The following HDHD5 variants were observed in gnomAD, a reference collection of about 807,000 sequenced individuals.
The protein encoded by HDHD5 is haloacid dehalogenase-like hydrolase domain-containing 5.
Under a neutral mutation model 35.5 loss-of-function variants are expected in HDHD5, and 34 were observed. The observed-to-expected ratio is 0.96, with a 90% CI of 0.73 to 1.28. HDHD5 has a LOEUF of 1.28. Ranked by LOEUF, HDHD5 falls within the 50% of genes most tolerant of loss-of-function variation. The pLI is 0.00. For synonymous variants in HDHD5, 248 were observed against 240.6 expected, an observed-to-expected ratio of 1.03 and a Z score of -0.29; for missense variants, 589 against 560.2, an observed-to-expected ratio of 1.05 and a Z score of -0.52.
chr22:17,159,308 T>A, upstream of HDHD5: 2 of 958,030 alleles, frequency 2.1e-6, no homozygotes, highest in Non-Finnish European at 2.6e-6. Flanking sequence ...CGCGAGTCCG[T>A]CCGCTGCACA....
chr22:17,158,594 CGCCGG>C (rs2061828514), intron 1 of HDHD5: 1 of 152,340 alleles, frequency 6.6e-6, no homozygotes, highest in Non-Finnish European at 1.5e-5. Context: ...ATCACTACCG[CGCCGG>C]GCACACAGCA....
At chr22:17,143,171 C>G (rs772086839) in intron 4 of HDHD5, 40 bp from the exon 5 acceptor site, 1 of 1,597,956 alleles carries the variant, frequency 6.3e-7, no homozygotes, top group East Asian at 2.3e-5. Flanking sequence ...CACAAGTCGC[C>G]TTCCACTCCA....
At chr22:17,160,174 TAGCAGAGAGGG>T, upstream of HDHD5, among the ~76,000 whole-genome samples, 1 of 152,226 alleles carries the variant, frequency 6.6e-6, no homozygotes, top group East Asian at 1.9e-4. Context: ...TACTTAGCAC[TAGCAGAGAGGG>T]AGTCGAGGAT....
In HDHD5 at chr22:17,137,793, T is replaced by C. The variant is rs1324503605; in HGVS notation, c.*228A>G. ...AGGTTAGACTGCCACGAAAGGCACGTGGGAACTGGGCCCAGAAAATTCCAA... is the reference window on the plus strand; with the variant it reads ...AGGTTAGACTGCCACGAAAGGCACGCGGGAACTGGGCCCAGAAAATTCCAA... On this transcript the variant is annotated 3_prime_UTR_variant, in exon 8 of 8. Transcript: ENST00000336737. 6 of 534,472 alleles carry C rather than the reference T, an allele frequency of 1.1e-5. No individual in the cohort carries two copies. In the East Asian group the frequency reaches 1.8e-4, roughly 16 times the overall value. 33.1% of individuals were successfully genotyped at this position (534,472 alleles called of 1,614,324 possible).
intron 1 of HDHD5, among the ~76,000 whole-genome samples, chr22:17,150,348 A>G (rs2061712270): frequency 6.6e-6 from 1 of 152,210 alleles, no homozygotes; most frequent in Non-Finnish European, 1.5e-5. Flanking sequence ...ACAATATAAA[A>G]ATGTTTCAAA....
chr22:17,155,772 C>T (rs1192989930), intron 1 of HDHD5, among the ~76,000 whole-genome samples: 2 of 152,122 alleles, frequency 1.3e-5, no homozygotes, highest in Non-Finnish European at 2.9e-5. Context: ...AATACAGTCA[C>T]GCACCATAAC....
chr22:17,158,828 G>A (rs530452361), intron 1 of HDHD5: 5 of 220,422 alleles, frequency 2.3e-5, no homozygotes, highest in South Asian at 1.8e-4. Flanking sequence ...AAGACGCGCA[G>A]GGAAAACAGG....
rs796136381 is a variant in HDHD5, at chr22:17,143,457, G to A, written c.538-326C>T. The A allele has an allele frequency of 6.4e-4, 165 of 257,888 alleles. 1 individual carries two copies. Among genetic ancestry groups the A allele is most frequent in the African/African-American group, 3.3e-3 (146 of 44,558 alleles). 16.0% of individuals were successfully genotyped at this position (257,888 alleles called of 1,614,324 possible). ...GTCTAAAATCAGGCAGCTAAGGTGA[G>A]GCCGTGGAGACGAAGGCGGCATCAC... is the stretch of plus-strand genomic sequence containing the variant. On this transcript the variant is annotated intron_variant, in intron 4 of 7. Coordinates refer to ENST00000336737, the MANE Select transcript of HDHD5 (RefSeq NM_033070.3).
intron 6 of HDHD5, among the ~76,000 whole-genome samples, chr22:17,139,159 GC>G (rs1171523507): frequency 6.6e-6 from 1 of 152,226 alleles, no homozygotes; most frequent in Non-Finnish European, 1.5e-5. Context: ...TGCCAGCGAG[GC>G]GTGGCCATGT....
At position 17,157,114 on chromosome 22, in the gene HDHD5, A is replaced by ACACACACG. The variant is rs1555881519; in HGVS notation, c.126+2011_126+2012insCGTGTGTG. Among the ~76,000 whole-genome samples, 11 of 148,322 alleles carry ACACACACG rather than the reference A, an allele frequency of 7.4e-5. No individual in the cohort carries two copies. The East Asian group carries it at 1.5e-3, about 20-fold the overall frequency. ...CACACACACACACACACACACACAC[A>ACACACACG]AAAGAAAAAAGCTATGGAACAATGA... On this transcript the variant is annotated intron_variant, in intron 1 of 7. Transcript: ENST00000336737.
At chr22:17,164,597 T>TCCAGC (rs1374763128) in intron 1 of HDHD5, among the ~76,000 whole-genome samples, 7 of 152,174 alleles carry the variant, frequency 4.6e-5, no homozygotes, top group Non-Finnish European at 8.8e-5. Flanking sequence ...ATGTTCACAT[T>TCCAGC]CCAGCCACCA....
chr22:17,155,680 A>G (rs551462761), intron 1 of HDHD5, among the ~76,000 whole-genome samples: 49 of 152,314 alleles, frequency 3.2e-4, no homozygotes, highest in African/African-American at 1.2e-3. Flanking sequence ...CAGGATGTAC[A>G]CAGAGAACCA....
At position 17,159,228 on chromosome 22, in the gene HDHD5, A is replaced by C; in HGVS notation, c.24T>G (p.Ala8=). ...AAAGCCCACGCGCCGCGCCGAGCGC[A>C]GCCACACAGCCCCACGCAGCCATCC... The part of the protein sequence containing the change: MAAWGCV[A]ALGAARGLCW... The change falls in exon 1 of 8, where the codon GCT becomes GCG. Residue 8 remains alanine (A), a synonymous_variant. Transcript: ENST00000336737. The C allele has an allele frequency of 8.7e-7, 1 of 1,154,624 alleles. No homozygotes were observed. Among genetic ancestry groups the C allele is most frequent in the Non-Finnish European group, 1.1e-6 (1 of 941,564 alleles). 71.5% of individuals were successfully genotyped at this position (1,154,624 alleles called of 1,614,324 possible).
rs149212 is a variant in HDHD5, at chr22:17,146,631, A to C, written c.444-1514T>G. Among the ~76,000 whole-genome samples, 16 of 14,420 alleles carry C rather than the reference A, an allele frequency of 1.1e-3. 1 individual carries two copies. The highest frequency in any genetic ancestry group is 2.3e-3 in the East Asian group (1 of 432). 9.5% of individuals were successfully genotyped at this position (14,420 alleles called of 152,430 possible). On this transcript the variant is annotated intron_variant, in intron 3 of 7. Coordinates refer to ENST00000336737, the MANE Select transcript of HDHD5 (RefSeq NM_033070.3). ...CTGTGGCACACTCCTGTGAGCTTAC[A>C]GGCCTTCGATCACACGTCATCGCAC...
intron 1 of HDHD5, among the ~76,000 whole-genome samples, chr22:17,152,323 A>G (rs1051955525): frequency 7.2e-5 from 11 of 152,196 alleles, no homozygotes; most frequent in Admixed American, 1.3e-4. Context: ...AACCCAAGAC[A>G]GAGAAGATGG....
intron 3 of HDHD5, among the ~76,000 whole-genome samples, chr22:17,146,336 T>A (rs5994177): frequency 7.0e-6 from 1 of 143,020 alleles, no homozygotes; most frequent in African/African-American, 2.6e-5. Context: ...TTCAATCACA[T>A]GCCATCGCAC....
chr22:17,148,020 A>G (rs2061685055), intron 3 of HDHD5, among the ~76,000 whole-genome samples: 1 of 152,224 alleles, frequency 6.6e-6, no homozygotes, highest in South Asian at 2.1e-4. Context: ...TCCCAGAGAC[A>G]GGCTCCCGGT....
chr22:17,139,399 A>G (rs909692613), intron 6 of HDHD5, among the ~76,000 whole-genome samples: 67 of 151,986 alleles, frequency 4.4e-4, no homozygotes, highest in African/African-American at 1.1e-3. Context: ...GTGGTGGCAC[A>G]TGCCTGTAGT....
chr22:17,164,744 A>G (rs759962695), intron 1 of HDHD5, among the ~76,000 whole-genome samples: 7 of 152,248 alleles, frequency 4.6e-5, no homozygotes, highest in South Asian at 2.1e-4. Flanking sequence ...GCTAGAAAAT[A>G]TAGCCTTATG....
Sources: allele counts gnomAD v4.1 joint callset (sites outside exome capture counted in the v4.1 genomes callset), GRCh38; gene constraint gnomAD v4.1.1; transcripts MANE v1.5; gene names NCBI Gene and HGNC (gene_info 2026-07-23, HGNC 2026-07-21).